Variants in SLC6A11 observed in about 807,000 individuals in gnomAD.
SLC6A11 encodes the protein sodium- and chloride-dependent GABA transporter 3.
In SLC6A11, 25 loss-of-function variants were observed where a neutral mutation model predicts 74.8. That is an observed-to-expected ratio of 0.33 (90% CI 0.24 to 0.47). The LOEUF is 0.47. SLC6A11 is among the 20% of genes least tolerant of loss of function. The pLI, the probability that SLC6A11 is intolerant of heterozygous loss-of-function variation, is 1.00. For missense variants in SLC6A11, 574 were observed against 837.0 expected (o/e 0.69, Z 3.88); for synonymous variants, 330 against 330.2 (o/e 1.00, Z 0.01).
intron 8 of SLC6A11, among the ~76,000 whole-genome samples, chr3:10,922,699 C>T (rs1695552603): frequency 6.6e-6 from 1 of 152,054 alleles, no homozygotes; most frequent in South Asian, 2.1e-4. Context: ...TCACATACCA[C>T]TCAAACAATG....
At chr3:10,936,836 C>T (rs563330535) in intron 13 of SLC6A11, among the ~76,000 whole-genome samples, 11 of 152,314 alleles carry the variant, frequency 7.2e-5, no homozygotes, top group African/African-American at 2.6e-4. Flanking sequence ...AGATCATCTC[C>T]GGCCTGGTGT....
chr3:10,845,366 T>C (rs1410430577), intron 5 of SLC6A11, among the ~76,000 whole-genome samples: 2 of 152,112 alleles, frequency 1.3e-5, no homozygotes, highest in Non-Finnish European at 2.9e-5. Flanking sequence ...GGTTTCCTCA[T>C]TTTGCTGTTC....
Position 10,818,087 on chromosome 3 carries a change from A to T in SLC6A11, c.257-1378A>T, listed in dbSNP as rs111655698. The stretch of plus-strand genomic sequence containing the variant: ...TCACAGATTTTTTTTTTTTTTTTTA[A>T]AAAAAAAGGTTGTAGTGAGTAAAGT... On this transcript the variant is annotated intron_variant, in intron 1 of 13. Coordinates refer to ENST00000254488, the MANE Select transcript of SLC6A11 (RefSeq NM_014229.3). 2.7e-3 allele frequency among the ~76,000 whole-genome samples: 369 copies of T among 134,534 alleles called. 1 individual carries two copies. Among genetic ancestry groups the T allele is most frequent in the African/African-American group, 9.3e-3 (286 of 30,740 alleles). 88.3% of individuals were successfully genotyped at this position (134,534 alleles called of 152,430 possible). A position where few individuals can be genotyped will look rare whatever the true frequency, so the allele number is the denominator to read the frequency against.
At chr3:10,931,541 G>A (rs1695687222) in intron 10 of SLC6A11, among the ~76,000 whole-genome samples, 2 of 152,192 alleles carry the variant, frequency 1.3e-5, no homozygotes, top group East Asian at 3.9e-4. Context: ...ATGGCCCGCT[G>A]AGAGATCCAT....
Position 10,822,360 on chromosome 3 carries a change from C to T in SLC6A11, c.533-942C>T, listed in dbSNP as rs536425218. 1.1e-4 allele frequency among the ~76,000 whole-genome samples: 16 copies of T among 152,290 alleles called. 1 individual carries two copies. The South Asian group carries it at 2.9e-3, about 28-fold the overall frequency. Reference sequence around the variant, plus strand: ...TCTCTAAACAGAGGGACATGGGTCCCATGGTAGTGGGCTTTTCTGGGCAAT... The same window carrying T: ...TCTCTAAACAGAGGGACATGGGTCCTATGGTAGTGGGCTTTTCTGGGCAAT... On this transcript the variant is annotated intron_variant, in intron 3 of 13. Transcript: ENST00000254488.
At chr3:10,844,390 C>T (rs780112613) in intron 5 of SLC6A11, 44 bp downstream of exon 5, 2 of 1,612,342 alleles carry the variant, frequency 1.2e-6, no homozygotes, top group Admixed American at 1.7e-5. Context: ...CAGGGGAAGG[C>T]ACGAGCTCAC....
At chr3:10,835,327 G>C (rs996389459) in intron 4 of SLC6A11, among the ~76,000 whole-genome samples, 2 of 152,328 alleles carry the variant, frequency 1.3e-5, no homozygotes, top group South Asian at 2.1e-4. Flanking sequence ...GCCATGGGGT[G>C]GGGGAGGCCC....
At chr3:10,935,756 AG>A (rs1400229190) in intron 13 of SLC6A11, among the ~76,000 whole-genome samples, 6 of 152,370 alleles carry the variant, frequency 3.9e-5, no homozygotes, top group Admixed American at 3.9e-4. Context: ...ATTTCATCAA[AG>A]TAGATTTTAG....
intron 13 of SLC6A11, among the ~76,000 whole-genome samples, chr3:10,935,690 G>C (rs893173733): frequency 2.6e-5 from 4 of 152,174 alleles, no homozygotes; most frequent in African/African-American, 4.8e-5. Flanking sequence ...AGAGAAATCA[G>C]GTCACTTGCC....
At chr3:10,831,363 A>C (rs901639454) in intron 4 of SLC6A11, among the ~76,000 whole-genome samples, 1 of 152,232 alleles carries the variant, frequency 6.6e-6, no homozygotes, top group Non-Finnish European at 1.5e-5. Context: ...GATAGTTAGA[A>C]AGGACATGTA....
chr3:10,889,360 T>C (rs1258541251), intron 6 of SLC6A11, among the ~76,000 whole-genome samples: 1 of 152,158 alleles, frequency 6.6e-6, no homozygotes, highest in Non-Finnish European at 1.5e-5. Context: ...ATGTGCAATG[T>C]TGTAGCTCCA....
Position 10,816,320 on chromosome 3 carries a change from C to CG in SLC6A11, c.58dup (p.Glu20GlyfsTer97). On this transcript the variant is annotated frameshift_variant, in exon 1 of 14. Transcript: ENST00000254488. LOFTEE classifies it high-confidence loss of function. The surrounding 1 kb of genome is among the most constrained non-coding windows in gnomAD (Gnocchi z 4.2). ...CAATGGGAAGGCTGCTGAGGAGGCG[C>CG]GGGAGTCCGAGGCGCCGGGTGGCGG... The CG allele has an allele frequency of 3.5e-6, 5 of 1,410,876 alleles. No homozygotes were observed. Among genetic ancestry groups the CG allele is most frequent in the Non-Finnish European group, 4.6e-6 (5 of 1,085,584 alleles). The allele number at this position is 1,410,876 out of a possible 1,614,324, so 87.4% of individuals were successfully genotyped here. A position where few individuals can be genotyped will look rare whatever the true frequency, so the allele number is the denominator to read the frequency against.
chr3:10,908,376 T>G (rs1193517106), intron 6 of SLC6A11, among the ~76,000 whole-genome samples: 1 of 152,120 alleles, frequency 6.6e-6, no homozygotes, highest in East Asian at 1.9e-4. Context: ...CAACAGACTG[T>G]CAGAAAAGGG....
chr3:10,874,015 A>ACGCTACGCTACGCTACGC (rs1694878597), intron 5 of SLC6A11, among the ~76,000 whole-genome samples: 2 of 152,084 alleles, frequency 1.3e-5, no homozygotes, highest in Non-Finnish European at 2.9e-5. Flanking sequence ...ATGCTATGCT[A>ACGCTACGCTACGCTACGC]TACCATCCTA....
intron 5 of SLC6A11, among the ~76,000 whole-genome samples, chr3:10,854,428 T>C (rs1044061521): frequency 6.6e-6 from 1 of 152,134 alleles, no homozygotes; most frequent in African/African-American, 2.4e-5. Context: ...GACAGAATTG[T>C]CTCCTCCAAT....
chr3:10,931,675 C>G (rs766319117), intron 10 of SLC6A11, among the ~76,000 whole-genome samples: 21 of 152,234 alleles, frequency 1.4e-4, no homozygotes, highest in Non-Finnish European at 2.4e-4. Context: ...GGCCTCACAG[C>G]TGCATTCCCC....
chr3:10,845,974 A>G (rs1417410418), intron 5 of SLC6A11, among the ~76,000 whole-genome samples: 1 of 152,162 alleles, frequency 6.6e-6, no homozygotes, highest in Non-Finnish European at 1.5e-5. Flanking sequence ...GTCACTCTCT[A>G]GTCATGACCT....
intron 6 of SLC6A11, among the ~76,000 whole-genome samples, chr3:10,896,749 T>C (rs1476239262): frequency 6.6e-6 from 1 of 152,188 alleles, no homozygotes; most frequent in East Asian, 1.9e-4. Flanking sequence ...CTTCATTCTT[T>C]CTATAGTCTC....
At chr3:10,907,043 A>G (rs1484111096) in intron 6 of SLC6A11, among the ~76,000 whole-genome samples, 2 of 152,204 alleles carry the variant, frequency 1.3e-5, no homozygotes, top group African/African-American at 2.4e-5. Flanking sequence ...AATTATGGGG[A>G]GAATATTGTC....
Sources: allele counts gnomAD v4.1 joint callset (sites outside exome capture counted in the v4.1 genomes callset), GRCh38; gene constraint gnomAD v4.1.1; non-coding constraint Gnocchi (gnomAD v3.1); transcripts MANE v1.5; gene names NCBI Gene and HGNC (gene_info 2026-07-23, HGNC 2026-07-21).